The following TTC17 variants were observed in gnomAD, a reference collection of about 807,000 sequenced individuals.
TTC17 encodes the protein tetratricopeptide repeat protein 17.
In TTC17, 58 loss-of-function variants were observed where a neutral mutation model predicts 143.8. The observed-to-expected ratio is 0.40, with a 90% CI of 0.33 to 0.50. The LOEUF (loss-of-function observed/expected upper bound fraction) is 0.50, where lower values mean the gene tolerates loss of function less well. Ranked by LOEUF, TTC17 falls within the 20% of genes least tolerant of loss-of-function variation. The pLI, the probability that TTC17 is intolerant of heterozygous loss-of-function variation, is 0.49. For synonymous variants in TTC17, 501 were observed against 497.8 expected, an observed-to-expected ratio of 1.01 and a Z score of -0.09; for missense variants, 1,273 against 1,392.5, an observed-to-expected ratio of 0.91 and a Z score of 1.37.
intron 11 of TTC17, among the ~76,000 whole-genome samples, chr11:43,404,492 A>G (rs1432407594): frequency 6.6e-6 from 1 of 152,126 alleles, no homozygotes; most frequent in Admixed American, 6.6e-5. Flanking sequence ...TTGAACTCCC[A>G]CCTGTGTGCC....
intron 15 of TTC17, among the ~76,000 whole-genome samples, chr11:43,410,358 A>G (rs745852686): frequency 6.6e-6 from 1 of 152,014 alleles, no homozygotes; most frequent in Non-Finnish European, 1.5e-5. Flanking sequence ...GTTGATTTCT[A>G]TTGTTAGATT....
intron 1 of TTC17, among the ~76,000 whole-genome samples, chr11:43,378,441 G>A (rs1351885818): frequency 6.6e-6 from 1 of 152,084 alleles, no homozygotes; most frequent in Admixed American, 6.5e-5. Flanking sequence ...CATTCCATTG[G>A]ACAGTGGGTC....
chr11:43,369,386 A>G (rs1856476225), intron 1 of TTC17, among the ~76,000 whole-genome samples: 1 of 152,182 alleles, frequency 6.6e-6, no homozygotes, highest in Admixed American at 6.5e-5. Context: ...AGATTATTTT[A>G]TGTAAATTTA....
chr11:43,443,831 G>T (rs1041949238), intron 17 of TTC17, among the ~76,000 whole-genome samples: 3 of 152,168 alleles, frequency 2.0e-5, no homozygotes, highest in Non-Finnish European at 4.4e-5. Flanking sequence ...ACTTGGAACT[G>T]TCCAGTTCAG....
At chr11:43,470,134 A>G (rs1165083476) in intron 21 of TTC17, among the ~76,000 whole-genome samples, 3 of 152,246 alleles carry the variant, frequency 2.0e-5, no homozygotes, top group Admixed American at 1.3e-4. Context: ...AATATCATTG[A>G]TAATAAAACA....
At position 43,447,940 on chromosome 11, in the gene TTC17, T is replaced by C. The variant is rs1160153877; in HGVS notation, c.2666-62T>C. On this transcript the variant is annotated intron_variant, in intron 18 of 23. Coordinates refer to ENST00000039989, the MANE Select transcript of TTC17 (RefSeq NM_018259.6). ...TCCAGGTGAAGTAATCACCAGGGCA[T>C]AAGGCCCTTTGGGTTCTCTTCCTTT... is the stretch of plus-strand genomic sequence containing the variant. 4 of 1,590,296 alleles carry C rather than the reference T, an allele frequency of 2.5e-6. No homozygotes were observed. The East Asian group carries it at 9.0e-5, about 36-fold the overall frequency.
At chr11:43,370,810 T>TTGTG (rs1856537863) in intron 1 of TTC17, among the ~76,000 whole-genome samples, 1 of 151,614 alleles carries the variant, frequency 6.6e-6, no homozygotes, top group Non-Finnish European at 1.5e-5. Flanking sequence ...GTTTGTTTGT[T>TTGTG]TGTTTGTTTG....
intron 21 of TTC17, among the ~76,000 whole-genome samples, chr11:43,486,988 A>G (rs989469920): frequency 2.6e-5 from 4 of 152,146 alleles, no homozygotes; most frequent in African/African-American, 9.7e-5. Flanking sequence ...GTTCAAGGCT[A>G]CAGTGAGCTA....
chr11:43,484,554 T>G (rs1948346883), intron 21 of TTC17, among the ~76,000 whole-genome samples: 2 of 152,312 alleles, frequency 1.3e-5, no homozygotes, highest in South Asian at 4.1e-4. Context: ...GTCAATGCTA[T>G]TATAATCAAA....
chr11:43,431,900 C>T (rs1947168235), intron 16 of TTC17, among the ~76,000 whole-genome samples: 3 of 152,202 alleles, frequency 2.0e-5, no homozygotes, highest in African/African-American at 7.2e-5. Flanking sequence ...TTGTCTTGCG[C>T]CAGGCTGTAC....
Position 43,391,543 on chromosome 11 carries a change from TC to T in TTC17, c.500del (p.Pro167HisfsTer10). 1 of 1,604,484 alleles carries T rather than the reference TC, an allele frequency of 6.2e-7. No homozygotes were observed. The highest frequency in any genetic ancestry group is 8.5e-7 in the Non-Finnish European group (1 of 1,177,440). The stretch of plus-strand genomic sequence containing the variant: ...CTGATTGTACTAAAATTCTAGAACT[TC>T]CATATAGTATACATGCTTTTCAGCA... ...QPDCTKILEL[P>X]YSIHAFQHLR... On this transcript the variant is annotated frameshift_variant, in exon 4 of 24. Coordinates refer to ENST00000039989, the MANE Select transcript of TTC17 (RefSeq NM_018259.6). LOFTEE classifies it high-confidence loss of function.
In TTC17 at chr11:43,407,568, T is replaced by C. The variant is rs1416553624; in HGVS notation, c.2055T>C (p.Asn685=). ...TGCTACTTCAAGCTTTGGCCATCAA[T>C]AGCTCTGAGGTGAGGTTTTAAGGGA... is the stretch of plus-strand genomic sequence containing the variant. The part of the protein sequence containing the change: ...TKLLLQALAI[N]SSEPLTFLSL... Residue 685 remains asparagine (N), a synonymous_variant, in exon 15 of 24, where the codon AAT becomes AAC. Coordinates refer to ENST00000039989, the MANE Select transcript of TTC17 (RefSeq NM_018259.6). The C allele has an allele frequency of 1.9e-6, 3 of 1,613,882 alleles. No individual in the cohort carries two copies. The highest frequency in any genetic ancestry group is 8.5e-7 in the Non-Finnish European group (1 of 1,179,904).
At chr11:43,368,537 A>T (rs995848938) in intron 1 of TTC17, among the ~76,000 whole-genome samples, 2 of 152,146 alleles carry the variant, frequency 1.3e-5, no homozygotes, top group Admixed American at 1.3e-4. Flanking sequence ...GAATCCAGCC[A>T]TGTCTTTCCA....
chr11:43,484,364 G>A (rs751113214), intron 21 of TTC17, among the ~76,000 whole-genome samples: 15 of 152,020 alleles, frequency 9.9e-5, no homozygotes, highest in South Asian at 2.1e-4. Context: ...AATATACATC[G>A]TTATAAAAAT....
intron 16 of TTC17, among the ~76,000 whole-genome samples, chr11:43,423,046 G>A (rs531256510): frequency 1.3e-5 from 2 of 152,198 alleles, no homozygotes; most frequent in Admixed American, 6.5e-5. Context: ...AGGCACAAAT[G>A]TAAGAGTAGT....
intron 10 of TTC17, among the ~76,000 whole-genome samples, chr11:43,401,871 G>A (rs1021333326): frequency 9.9e-5 from 15 of 151,834 alleles, no homozygotes; most frequent in Non-Finnish European, 1.6e-4. Flanking sequence ...CCAGCTACTC[G>A]GGAGGCTGAG....
At chr11:43,466,546 G>T in intron 21 of TTC17, 1 of 229,040 alleles carries the variant, frequency 4.4e-6, no homozygotes. Flanking sequence ...TGCTTTCACA[G>T]AATTATTCCG....
At chr11:43,436,085 T>G in intron 16 of TTC17, 15 of 1,188,656 alleles carry the variant, frequency 1.3e-5, no homozygotes, top group Non-Finnish European at 1.6e-5. Context: ...TTGCTCTTCT[T>G]GATATTTTAG....
chr11:43,418,039 A>G (rs1346446263), intron 16 of TTC17, among the ~76,000 whole-genome samples: 1 of 152,240 alleles, frequency 6.6e-6, no homozygotes, highest in African/African-American at 2.4e-5. Flanking sequence ...CTATGCAGGT[A>G]ATGTATTGTA....
Sources: gnomAD v4.1 joint callset for allele counts (sites outside exome capture counted in the v4.1 genomes callset) on GRCh38, gnomAD v4.1.1 for gene constraint, MANE v1.5 for transcripts, NCBI Gene and HGNC (gene_info 2026-07-23, HGNC 2026-07-21) for gene names.